Variants in NPAS3 observed in about 807,000 individuals in gnomAD.
NPAS3 encodes the protein neuronal PAS domain protein 3.
In NPAS3, 14 loss-of-function variants were observed where a neutral mutation model predicts 73.1. The ratio of observed to expected loss-of-function variants is 0.19; its 90% confidence interval spans 0.13 to 0.30. NPAS3 has a LOEUF of 0.30. NPAS3 is among the 10% of genes least tolerant of loss of function. The probability of loss-of-function intolerance (pLI) is 1.00; values close to 1 mark genes in which losing one functional copy is unlikely to be tolerated. For missense variants in NPAS3, 1,096 were observed against 1,250.0 expected (o/e 0.88, Z 1.86); for synonymous variants, 620 against 541.5 (o/e 1.14, Z -2.01).
rs555797426 is a variant in NPAS3, at chr14:33,236,789, T to G, written c.385+21363T>G. ...CAGGTCTTAAGAAAATGTGGAAAAA[T>G]TCATATATTCAAAGATATATTCAAA... On this transcript the variant is annotated intron_variant, in intron 3 of 11. Transcript: ENST00000356141. Among the ~76,000 whole-genome samples, 325 of 152,178 alleles carry G rather than the reference T, an allele frequency of 2.1e-3. 14 individuals carry two copies. In the South Asian group the frequency reaches 0.065, roughly 30 times the overall value.
chr14:33,452,038 T>A (rs1232431616), intron 4 of NPAS3, among the ~76,000 whole-genome samples: 1 of 152,202 alleles, frequency 6.6e-6, no homozygotes, highest in African/African-American at 2.4e-5. Context: ...TGGTTGAGAA[T>A]GTGTTACAAA....
intron 3 of NPAS3, among the ~76,000 whole-genome samples, chr14:33,227,827 C>G (rs750781669): frequency 6.6e-5 from 10 of 152,172 alleles, no homozygotes; most frequent in Non-Finnish European, 1.3e-4. Flanking sequence ...GCTAGAGAAT[C>G]CAGCAAAATG....
At chr14:33,585,240 T>TA (rs886364586) in intron 5 of NPAS3, among the ~76,000 whole-genome samples, 1 of 152,000 alleles carries the variant, frequency 6.6e-6, no homozygotes, top group Non-Finnish European at 1.5e-5. Context: ...TGGCGAAACT[T>TA]AAAAGAAACA....
intron 2 of NPAS3, among the ~76,000 whole-genome samples, chr14:33,076,736 G>C (rs747864603): frequency 1.6e-4 from 25 of 152,164 alleles, no homozygotes; most frequent in Non-Finnish European, 3.4e-4. Context: ...ATGTTAGCAA[G>C]AAACACTGTT....
At chr14:33,443,222 A>T (rs1452290591) in intron 4 of NPAS3, among the ~76,000 whole-genome samples, 1 of 152,120 alleles carries the variant, frequency 6.6e-6, no homozygotes, top group African/African-American at 2.4e-5. Context: ...GCTGCTAAAA[A>T]CATCATTATA....
intron 3 of NPAS3, among the ~76,000 whole-genome samples, chr14:33,260,708 C>T (rs2048945525): frequency 6.6e-6 from 1 of 152,130 alleles, no homozygotes; most frequent in Non-Finnish European, 1.5e-5. Context: ...CATTTCCTGT[C>T]TGTACAAACC....
At chr14:33,152,721 T>A (rs994222741) in intron 2 of NPAS3, among the ~76,000 whole-genome samples, 1 of 152,186 alleles carries the variant, frequency 6.6e-6, no homozygotes, top group Non-Finnish European at 1.5e-5. Context: ...TGTGACATTC[T>A]GATGATTGTT....
chr14:33,662,701 C>T (rs547328578), intron 5 of NPAS3, among the ~76,000 whole-genome samples: 14 of 151,922 alleles, frequency 9.2e-5, no homozygotes, highest in Non-Finnish European at 2.1e-4. Flanking sequence ...ATTTTATTCT[C>T]TTTGTAGTAA....
intron 2 of NPAS3, among the ~76,000 whole-genome samples, chr14:33,195,650 A>T (rs1037816007): frequency 6.6e-6 from 1 of 152,234 alleles, no homozygotes; most frequent in Non-Finnish European, 1.5e-5. Context: ...TACACAGCTG[A>T]TATTTGTTAT....
At chr14:33,741,264 G>T (rs1234041496) in intron 7 of NPAS3, among the ~76,000 whole-genome samples, 2 of 152,124 alleles carry the variant, frequency 1.3e-5, no homozygotes, top group African/African-American at 2.4e-5. Context: ...GATGACTACG[G>T]CATTCCAAGT....
chr14:33,071,897 C>G (rs1400425677), intron 2 of NPAS3, among the ~76,000 whole-genome samples: 8 of 151,648 alleles, frequency 5.3e-5, no homozygotes, highest in Non-Finnish European at 1.5e-5. Context: ...TTTTTCTTTT[C>G]TTTCTTTTTT....
chr14:33,250,487 A>AAC (rs2048542148), intron 3 of NPAS3, among the ~76,000 whole-genome samples: 3 of 152,246 alleles, frequency 2.0e-5, no homozygotes, highest in African/African-American at 7.2e-5. Context: ...TTTCCAAGCG[A>AAC]ACAAATAACA....
intron 2 of NPAS3, among the ~76,000 whole-genome samples, chr14:33,090,652 T>C (rs1188239157): frequency 6.6e-6 from 1 of 152,204 alleles, no homozygotes; most frequent in African/African-American, 2.4e-5. Flanking sequence ...GCAGACCTAA[T>C]AGACATCTAC....
intron 2 of NPAS3, among the ~76,000 whole-genome samples, chr14:33,143,682 C>T (rs1307747900): frequency 6.6e-6 from 1 of 152,022 alleles, no homozygotes; most frequent in Non-Finnish European, 1.5e-5. Flanking sequence ...GTTTATCACC[C>T]CAAAAATGAA....
intron 3 of NPAS3, among the ~76,000 whole-genome samples, chr14:33,342,567 G>A (rs1461339305): frequency 6.6e-6 from 1 of 152,134 alleles, no homozygotes; most frequent in African/African-American, 2.4e-5. Flanking sequence ...ACATCTCAAG[G>A]GTGGTTTTGC....
chr14:33,679,725 G>A (rs2059878552), intron 6 of NPAS3, among the ~76,000 whole-genome samples: 2 of 152,134 alleles, frequency 1.3e-5, no homozygotes, highest in African/African-American at 2.4e-5. Context: ...AAGGAAATAA[G>A]TGACTAAGCC....
At chr14:33,054,381 TA>T in intron 1 of NPAS3, among the ~76,000 whole-genome samples, 2 of 152,308 alleles carry the variant, frequency 1.3e-5, no homozygotes, top group South Asian at 4.1e-4. Flanking sequence ...CTACAGAATT[TA>T]ATGAGAGATT....
chr14:33,520,632 A>G (rs2053514875), intron 4 of NPAS3, among the ~76,000 whole-genome samples: 1 of 152,154 alleles, frequency 6.6e-6, no homozygotes, highest in African/African-American at 2.4e-5. Flanking sequence ...GACAACAGTT[A>G]AACACAGTGA....
At chr14:33,021,414 T>A (rs2039592547) in intron 1 of NPAS3, among the ~76,000 whole-genome samples, 1 of 152,182 alleles carries the variant, frequency 6.6e-6, no homozygotes, top group Admixed American at 6.5e-5. Flanking sequence ...TTCACCTGAG[T>A]CCCTGAGTAG....
Sources: gnomAD v4.1 joint callset for allele counts (sites outside exome capture counted in the v4.1 genomes callset) on GRCh38, gnomAD v4.1.1 for gene constraint, MANE v1.5 for transcripts, NCBI Gene and HGNC (gene_info 2026-07-23, HGNC 2026-07-21) for gene names.